The following RIMBP2 variants were observed in gnomAD, a reference collection of about 807,000 sequenced individuals.
RIMBP2 encodes RIMS binding protein 2, also known as RIMS-binding protein 2.
In RIMBP2, 48 loss-of-function variants were observed where a neutral mutation model predicts 118.6. The observed-to-expected ratio is 0.40, with a 90% confidence interval of 0.32 to 0.51. RIMBP2 has a LOEUF of 0.51. Among genes scored for constraint, RIMBP2 ranks in the 20% least tolerant of loss-of-function variants. The pLI is 0.41. For missense variants in RIMBP2, 1,551 were observed against 1,768.3 expected, an observed-to-expected ratio of 0.88 and a Z score of 2.20; for synonymous variants, 762 against 742.9, an observed-to-expected ratio of 1.03 and a Z score of -0.42.
At chr12:130,539,433 C>T (rs1055575794) in intron 2 of RIMBP2, among the ~76,000 whole-genome samples, 1 of 152,232 alleles carries the variant, frequency 6.6e-6, no homozygotes, top group African/African-American at 2.4e-5. Context: ...AGTGTGAGTG[C>T]TGTGGGCACC....
rs1024778074 is a variant in RIMBP2 at position 130,511,411 on chromosome 12, C to T, written c.-126-4641G>A. Among the ~76,000 whole-genome samples the T allele has an allele frequency of 3.3e-5, 5 of 152,206 alleles. No individual in the cohort carries two copies. The highest frequency in any genetic ancestry group is 7.2e-5 in the African/African-American group (3 of 41,462). On this transcript the variant is annotated intron_variant, in intron 3 of 22. Transcript: ENST00000690449. The surrounding 1 kb of genome is among the most constrained non-coding windows in gnomAD (Gnocchi z 4.3). ...AGCTAAACAGCAGTCCTCGTTACCG[C>T]GAGCACGCGTCGAATTGTCACTCTA...
chr12:130,439,483 GTGTA>G (rs1159618377), intron 11 of RIMBP2, among the ~76,000 whole-genome samples: 1 of 149,600 alleles, frequency 6.7e-6, no homozygotes, highest in Non-Finnish European at 1.5e-5. Context: ...GTGTATGTGT[GTGTA>G]TGTGTGTGTG....
intron 2 of RIMBP2, among the ~76,000 whole-genome samples, chr12:130,518,497 C>T (rs73450784): frequency 0.044 from 6,732 of 152,252 alleles, 300 homozygotes; most frequent in African/African-American, 0.11. Context: ...GAACTAAGGT[C>T]ACCACATGAC....
intron 1 of RIMBP2, among the ~76,000 whole-genome samples, chr12:130,647,278 T>C (rs1488935524): frequency 6.6e-6 from 1 of 152,046 alleles, no homozygotes; most frequent in Non-Finnish European, 1.5e-5. Flanking sequence ...CAGGAGACTC[T>C]CTTGAACCCG....
At chr12:130,574,929 G>A in intron 2 of RIMBP2, among the ~76,000 whole-genome samples, 1 of 151,606 alleles carries the variant, frequency 6.6e-6, no homozygotes, top group East Asian at 2.0e-4. Context: ...CCTGAGTGCT[G>A]ATGCCCTGTG....
At position 130,397,456 on chromosome 12, in the gene RIMBP2, T is replaced by C; in HGVS notation, c.3994A>G (p.Ser1332Gly). The C allele has an allele frequency of 2.5e-6, 1 of 399,072 alleles. No homozygotes were observed. The highest frequency in any genetic ancestry group is 4.4e-6 in the Non-Finnish European group (1 of 226,100). The allele number at this position is 399,072 out of a possible 1,614,324, so 24.7% of individuals were successfully genotyped here. A position where few individuals can be genotyped will look rare whatever the true frequency, so the allele number is the denominator to read the frequency against. ...GSPTSSMGSG[S>G]PGRGREMSSK... is the part of the protein sequence containing the mutation. ...GACATTTCCCTGCCTCTCCCAGGAC[T>C]ACCAGAACCCATAGATGACGTAGGT... Residue 1332 changes from serine to glycine, a missense_variant, in exon 23 of 23, where the codon AGT (serine) becomes GGT (glycine). Transcript: ENST00000690449.
chr12:130,511,800 G>A lies in RIMBP2; in HGVS notation c.-126-5030C>T, dbSNP rs116139547. Among the ~76,000 whole-genome samples the A allele has an allele frequency of 6.7e-3, 1,022 of 152,124 alleles. 11 individuals are homozygous for A. The highest frequency in any genetic ancestry group is 0.023 in the African/African-American group (974 of 41,510). Reference sequence around the variant, plus strand: ...CACCACAGTGGGGATGCGACCCTTCGAGATGGAATACCACCTGTCTCGGTG... The same window carrying A: ...CACCACAGTGGGGATGCGACCCTTCAAGATGGAATACCACCTGTCTCGGTG... On this transcript the variant is annotated intron_variant, in intron 3 of 22. Coordinates refer to ENST00000690449, the MANE Select transcript of RIMBP2 (RefSeq NM_001393629.1). This position sits in a 1 kb window ranked among gnomAD's most constrained non-coding sequence, Gnocchi z 4.3.
intron 4 of RIMBP2, among the ~76,000 whole-genome samples, chr12:130,497,637 A>T (rs1003425814): frequency 6.6e-6 from 1 of 152,264 alleles, no homozygotes; most frequent in Non-Finnish European, 1.5e-5. Context: ...TGTATCAGGC[A>T]GTAGAAACTC....
At chr12:130,573,724 G>A (rs2057877403) in intron 2 of RIMBP2, among the ~76,000 whole-genome samples, 1 of 152,084 alleles carries the variant, frequency 6.6e-6, no homozygotes, top group South Asian at 2.1e-4. Context: ...GCAGGAGGGT[G>A]CAAGTGGAGA....
At chr12:130,566,569 A>G (rs75305947) in intron 2 of RIMBP2, among the ~76,000 whole-genome samples, 3,224 of 152,324 alleles carry the variant, frequency 0.021, 123 homozygotes, top group African/African-American at 0.074. Flanking sequence ...CAAAGCCTCC[A>G]GCCAATGACC....
intron 4 of RIMBP2, among the ~76,000 whole-genome samples, chr12:130,499,081 C>T (rs765509283): frequency 2.6e-5 from 4 of 152,300 alleles, no homozygotes; most frequent in East Asian, 1.9e-4. Flanking sequence ...GCAAAGGAAA[C>T]GCAGGCACAT....
intron 14 of RIMBP2, chr12:130,428,573 G>C (rs2076944568): frequency 5.3e-6 from 2 of 376,858 alleles, no homozygotes; most frequent in Non-Finnish European, 9.4e-6. Flanking sequence ...AGCTCCAACA[G>C]GTACAGAAAC....
At chr12:130,632,167 G>A (rs2062032380) in intron 1 of RIMBP2, among the ~76,000 whole-genome samples, 2 of 152,358 alleles carry the variant, frequency 1.3e-5, no homozygotes, top group African/African-American at 4.8e-5. Flanking sequence ...TGGGCTGGAT[G>A]CAAACAAATC....
chr12:130,634,772 A>G (rs778763657), intron 1 of RIMBP2, among the ~76,000 whole-genome samples: 4 of 151,954 alleles, frequency 2.6e-5, no homozygotes, highest in Non-Finnish European at 5.9e-5. Context: ...AAAAATATAT[A>G]TATTTTTGTA....
chr12:130,436,732 C>G, intron 13 of RIMBP2, 110 bp downstream of exon 13: 1 of 905,260 alleles, frequency 1.1e-6, no homozygotes, highest in Non-Finnish European at 1.5e-6. Context: ...CGGCCCCCCT[C>G]CCTGCAAGCT....
At chr12:130,498,079 T>G (rs1450014024) in intron 4 of RIMBP2, among the ~76,000 whole-genome samples, 2 of 152,216 alleles carry the variant, frequency 1.3e-5, no homozygotes, top group East Asian at 3.8e-4. Flanking sequence ...GCACCCTGAC[T>G]CCAGGCCTCC....
At chr12:130,598,088 A>G (rs980389814) in intron 2 of RIMBP2, among the ~76,000 whole-genome samples, 1 of 152,262 alleles carries the variant, frequency 6.6e-6, no homozygotes, top group Non-Finnish European at 1.5e-5. Context: ...GTCACTATAT[A>G]CTAGCCACAA....
At chr12:130,571,416 A>ACT (rs386378267) in intron 2 of RIMBP2, among the ~76,000 whole-genome samples, 1 of 104,278 alleles carries the variant, frequency 9.6e-6, no homozygotes, top group Non-Finnish European at 2.1e-5. Flanking sequence ...CCATAGTAAC[A>ACT]TTTTTTTTTT....
intron 9 of RIMBP2, among the ~76,000 whole-genome samples, chr12:130,449,624 ACTCATGGACCAACCC>A (rs1293214417): frequency 6.6e-6 from 1 of 151,722 alleles, no homozygotes; most frequent in Non-Finnish European, 1.5e-5. Flanking sequence ...GGAAAGACGC[ACTCATGGACCAACCC>A]CTGCACCTGT....
Sources: gnomAD v4.1 joint callset for allele counts (sites outside exome capture counted in the v4.1 genomes callset) on GRCh38, gnomAD v4.1.1 for gene constraint, Gnocchi (gnomAD v3.1) non-coding constraint, MANE v1.5 for transcripts, NCBI Gene and HGNC (gene_info 2026-07-23, HGNC 2026-07-21) for gene names.